The following PADI1 variants were observed in gnomAD, a reference collection of about 807,000 sequenced individuals.
The protein encoded by PADI1 is peptidyl arginine deiminase 1.
PADI1 carries 65 observed loss-of-function variants against 74.8 expected under a neutral mutation model. The ratio of observed to expected loss-of-function variants is 0.87; its 90% CI spans 0.71 to 1.07. The LOEUF is 1.07. PADI1 is among the 50% of genes least tolerant of loss of function. PADI1 has a pLI of 0.00. For synonymous variants in PADI1, 371 were observed against 336.2 expected (o/e 1.10, Z -1.13); for missense variants, 943 against 854.0 (o/e 1.10, Z -1.30).
chr1:17,219,187 G>A (rs2072063735), intron 1 of PADI1, among the ~76,000 whole-genome samples: 1 of 152,134 alleles, frequency 6.6e-6, no homozygotes, highest in African/African-American at 2.4e-5. Context: ...CAGCTCAAGG[G>A]AGGGAAGGAT....
intron 10 of PADI1, among the ~76,000 whole-genome samples, chr1:17,231,068 C>G (rs1030939877): frequency 6.6e-5 from 10 of 152,156 alleles, no homozygotes; most frequent in African/African-American, 2.4e-4. Flanking sequence ...TAGGGCCTCT[C>G]TTTAGGTGCC....
chr1:17,238,469 G>T, intron 12 of PADI1, 147 bp from the exon 13 acceptor site: 1 of 415,876 alleles, frequency 2.4e-6, no homozygotes, highest in Non-Finnish European at 4.3e-6. Context: ...TGGGAGAGTT[G>T]CAGACAGTGC....
chr1:17,218,472 A>G (rs2072039465), intron 1 of PADI1, among the ~76,000 whole-genome samples: 1 of 152,190 alleles, frequency 6.6e-6, no homozygotes, highest in South Asian at 2.1e-4. Flanking sequence ...GTCAGAGGAG[A>G]GCAAGCAGAG....
intron 6 of PADI1, among the ~76,000 whole-genome samples, chr1:17,227,594 A>C (rs2072359717): frequency 6.6e-6 from 1 of 152,024 alleles, no homozygotes; most frequent in African/African-American, 2.4e-5. Context: ...ACCACTCCTT[A>C]ACCCCGGACT....
chr1:17,226,194 C>T (rs765122864), intron 6 of PADI1, 36 bp downstream of exon 6: 1 of 1,609,146 alleles, frequency 6.2e-7, no homozygotes, highest in Non-Finnish European at 8.5e-7. Flanking sequence ...CTCCCAGCTC[C>T]ATCCATATCT....
At chr1:17,243,883 GC>G in intron 15 of PADI1, 126 bp from the exon 16 acceptor site, 1 of 645,788 alleles carries the variant, frequency 1.5e-6, no homozygotes. Flanking sequence ...CAGTCCTAGA[GC>G]CCTTTCTAGG....
chr1:17,208,146 G>A (rs2100387828), intron 1 of PADI1, among the ~76,000 whole-genome samples: 1 of 152,326 alleles, frequency 6.6e-6, no homozygotes, highest in African/African-American at 2.4e-5. Context: ...GAGGGGGGAA[G>A]CCCCCAGAAG....
chr1:17,223,473 G>A, intron 2 of PADI1, 148 bp from the exon 3 acceptor site: 1 of 640,338 alleles, frequency 1.6e-6, no homozygotes, highest in South Asian at 1.9e-5. Context: ...CCAGCCGGGA[G>A]CCCTTGAGTC....
At chr1:17,217,086 C>A (rs1386771798) in intron 1 of PADI1, among the ~76,000 whole-genome samples, 2 of 151,614 alleles carry the variant, frequency 1.3e-5, no homozygotes, top group Non-Finnish European at 2.9e-5. Context: ...GGAGGCTGAG[C>A]CCTAAGCCAG....
intron 12 of PADI1, 73 bp from the exon 13 acceptor site, chr1:17,238,543 A>T (rs1339673071): frequency 1.4e-6 from 1 of 713,420 alleles, no homozygotes; most frequent in East Asian, 3.3e-5. Context: ...GCCCCTCCTG[A>T]GTCCTGAGTC....
rs765286874 is a variant in PADI1, at chr1:17,244,436, G to A, written c.*193G>A. On this transcript the variant is annotated 3_prime_UTR_variant, in exon 16 of 16. Transcript: ENST00000375471. ...GCCTCTGGAATGGCCTACCCAACCC[G>A]AGAAGAATGCACCTCATTCTTCCCT... 59 of 679,822 alleles carry A rather than the reference G, an allele frequency of 8.7e-5. No homozygotes were observed. The highest frequency in any genetic ancestry group is 8.4e-4 in the African/African-American group (48 of 56,920). The allele number at this position is 679,822 out of a possible 1,614,324, so 42.1% of individuals were successfully genotyped here.
intron 1 of PADI1, among the ~76,000 whole-genome samples, chr1:17,213,094 A>T (rs1302433902): frequency 6.6e-6 from 1 of 152,154 alleles, no homozygotes; most frequent in Admixed American, 6.5e-5. Flanking sequence ...AATACCAGCC[A>T]GGACAGCTTC....
intron 12 of PADI1, among the ~76,000 whole-genome samples, chr1:17,238,267 C>G (rs2100522850): frequency 6.6e-6 from 1 of 152,348 alleles, no homozygotes; most frequent in South Asian, 2.1e-4. Flanking sequence ...GTCTCAAACT[C>G]CTGACTGCAG....
At chr1:17,233,767 G>T (rs34130414) in intron 11 of PADI1, among the ~76,000 whole-genome samples, 16 of 152,022 alleles carry the variant, frequency 1.1e-4, no homozygotes, top group African/African-American at 3.6e-4. Context: ...TGACCATCTG[G>T]TCTCCAGCCC....
intron 15 of PADI1, among the ~76,000 whole-genome samples, chr1:17,242,878 C>G (rs550820704): frequency 6.6e-6 from 1 of 152,158 alleles, no homozygotes; most frequent in Non-Finnish European, 1.5e-5. Context: ...GCCCTTTGCC[C>G]CCTGCATGCC....
chr1:17,243,475 G>A (rs767347566), intron 15 of PADI1, among the ~76,000 whole-genome samples: 3 of 152,240 alleles, frequency 2.0e-5, no homozygotes, highest in Non-Finnish European at 2.9e-5. Flanking sequence ...CAGCTTCAGA[G>A]GGAGGCTGTG....
At chr1:17,216,366 A>C (rs568770514) in intron 1 of PADI1, among the ~76,000 whole-genome samples, 1 of 152,214 alleles carries the variant, frequency 6.6e-6, no homozygotes, top group Admixed American at 6.5e-5. Flanking sequence ...GAGAGCGGTC[A>C]GGGTCTGCAG....
intron 1 of PADI1, among the ~76,000 whole-genome samples, chr1:17,206,693 T>C (rs909857780): frequency 7.2e-6 from 1 of 138,412 alleles, no homozygotes; most frequent in Non-Finnish European, 1.5e-5. Flanking sequence ...CTTTTTTTTT[T>C]TTTTTTTTTT....
intron 11 of PADI1, among the ~76,000 whole-genome samples, chr1:17,235,929 G>C (rs1434740496): frequency 1.3e-5 from 2 of 152,216 alleles, no homozygotes; most frequent in Non-Finnish European, 2.9e-5. Flanking sequence ...GGGGTCTCCT[G>C]TGTGGACGTG....
Sources: allele counts gnomAD v4.1 joint callset (sites outside exome capture counted in the v4.1 genomes callset), GRCh38; gene constraint gnomAD v4.1.1; transcripts MANE v1.5; gene names NCBI Gene and HGNC (gene_info 2026-07-23, HGNC 2026-07-21).